MAD1L1: variants seen among roughly 807,000 people sequenced by gnomAD.
MAD1L1 encodes the protein mitotic arrest deficient 1 like 1, also known as mitotic spindle assembly checkpoint protein MAD1.
MAD1L1 carries 95 observed loss-of-function variants against 96.9 expected under a neutral mutation model. The observed-to-expected ratio is 0.98, with a 90% CI of 0.83 to 1.16. The LOEUF is 1.16. Ranked by LOEUF, MAD1L1 falls within the 50% of genes most tolerant of loss-of-function variation. The probability of loss-of-function intolerance (pLI) is 0.00; values close to 1 mark genes in which losing one functional copy is unlikely to be tolerated. For synonymous variants in MAD1L1, 473 were observed against 396.6 expected, an observed-to-expected ratio of 1.19 and a Z score of -2.29; for missense variants, 1,007 against 954.4, an observed-to-expected ratio of 1.06 and a Z score of -0.73.
intron 12 of MAD1L1, among the ~76,000 whole-genome samples, chr7:2,054,009 G>A (rs544858156): frequency 6.6e-6 from 1 of 152,354 alleles, no homozygotes; most frequent in South Asian, 2.1e-4. Context: ...GGCAGGGCGG[G>A]AGGGGTCAGG....
At chr7:2,171,448 C>T (rs953970595) in intron 10 of MAD1L1, among the ~76,000 whole-genome samples, 1 of 152,198 alleles carries the variant, frequency 6.6e-6, no homozygotes, top group Non-Finnish European at 1.5e-5. Context: ...AGCAGGGCCA[C>T]GTATGGGTCA....
At position 2,119,150 on chromosome 7, in the gene MAD1L1, G is replaced by A. The variant is rs765529175; in HGVS notation, c.1073+30002C>T. 6.6e-6 allele frequency among the ~76,000 whole-genome samples: 1 copy of A among 152,030 alleles called. No homozygotes were observed. The highest frequency in any genetic ancestry group is 1.5e-5 in the Non-Finnish European group (1 of 67,998). On this transcript the variant is annotated intron_variant, in intron 11 of 18. Transcript: ENST00000265854. This position sits in a 1 kb window ranked among gnomAD's most constrained non-coding sequence, Gnocchi z 4.6. ...AGCCGTGTTTCCACAAAGCAAGAAGGTTCAGGCCAGGCAGCCTGGACTCCT... is the reference window on the plus strand; with the variant it reads ...AGCCGTGTTTCCACAAAGCAAGAAGATTCAGGCCAGGCAGCCTGGACTCCT...
At chr7:1,896,791 C>T (rs1029202042) in intron 18 of MAD1L1, among the ~76,000 whole-genome samples, 1 of 152,186 alleles carries the variant, frequency 6.6e-6, no homozygotes, top group Non-Finnish European at 1.5e-5. Flanking sequence ...CCGGGGAAAA[C>T]GCTGCCTCTT....
intron 17 of MAD1L1, among the ~76,000 whole-genome samples, chr7:1,902,133 T>C (rs183188261): frequency 2.6e-4 from 39 of 152,184 alleles, no homozygotes; most frequent in African/African-American, 8.9e-4. Context: ...ACGACACTGG[T>C]GCCTGAACAG....
intron 11 of MAD1L1, among the ~76,000 whole-genome samples, chr7:2,125,220 C>A (rs1393704157): frequency 6.6e-6 from 1 of 152,184 alleles, no homozygotes; most frequent in African/African-American, 2.4e-5. Context: ...GCCAGGTGCA[C>A]TCCAGCAGGT....
chr7:1,850,954 G>A (rs905206837), intron 18 of MAD1L1, among the ~76,000 whole-genome samples: 4 of 152,206 alleles, frequency 2.6e-5, no homozygotes, highest in African/African-American at 4.8e-5. Context: ...GAAGAGACAC[G>A]AGAAGGGCCT....
At chr7:2,226,333 C>T (rs544077640) in intron 3 of MAD1L1, among the ~76,000 whole-genome samples, 12 of 152,288 alleles carry the variant, frequency 7.9e-5, no homozygotes, top group East Asian at 5.8e-4. Context: ...AATCTGGGGG[C>T]CCTCTCAGAA....
chr7:2,035,328 C>A (rs570735266), intron 12 of MAD1L1, among the ~76,000 whole-genome samples: 62 of 131,558 alleles, frequency 4.7e-4, no homozygotes, highest in Admixed American at 1.2e-3. Context: ...ACTGACAAGT[C>A]GGGACAGAGC....
chr7:2,161,494 G>A (rs1790121998), intron 10 of MAD1L1, among the ~76,000 whole-genome samples: 1 of 152,096 alleles, frequency 6.6e-6, no homozygotes. Flanking sequence ...GCCTCCCAAA[G>A]TGCCGAGATT....
intron 14 of MAD1L1, among the ~76,000 whole-genome samples, chr7:2,001,109 G>A (rs1306361686): frequency 6.6e-6 from 1 of 152,244 alleles, no homozygotes; most frequent in African/African-American, 2.4e-5. Context: ...GGAGAGGAAG[G>A]CCCTGAGGCC....
At chr7:2,125,917 G>A (rs1788209920) in intron 11 of MAD1L1, among the ~76,000 whole-genome samples, 1 of 152,272 alleles carries the variant, frequency 6.6e-6, no homozygotes, top group African/African-American at 2.4e-5. Context: ...TGGCATCTGA[G>A]GAAGCAGCCA....
intron 10 of MAD1L1, among the ~76,000 whole-genome samples, chr7:2,154,665 G>A (rs1397953973): frequency 1.3e-5 from 2 of 152,228 alleles, no homozygotes; most frequent in Admixed American, 6.5e-5. Flanking sequence ...AAGAAAATGG[G>A]CTCTCTGGGG....
intron 11 of MAD1L1, among the ~76,000 whole-genome samples, chr7:2,077,888 G>A (rs780093194): frequency 3.3e-5 from 5 of 152,352 alleles, no homozygotes; most frequent in African/African-American, 4.8e-5. Flanking sequence ...GTTCACAGGC[G>A]CCCGTCGGGG....
intron 9 of MAD1L1, among the ~76,000 whole-genome samples, 161 bp downstream of exon 9, chr7:2,215,724 T>C (rs1793232993): frequency 6.6e-6 from 1 of 152,212 alleles, no homozygotes; most frequent in Non-Finnish European, 1.5e-5. Context: ...GCTCTGAGGA[T>C]GAGGCATGGA....
chr7:2,218,545 G>A (rs998712851), intron 6 of MAD1L1, among the ~76,000 whole-genome samples: 3 of 152,208 alleles, frequency 2.0e-5, no homozygotes, highest in Non-Finnish European at 4.4e-5. Flanking sequence ...CCTCGGCTCA[G>A]CCCTGTGCCT....
chr7:2,120,553 C>T (rs1443709200), intron 11 of MAD1L1, among the ~76,000 whole-genome samples: 1 of 152,234 alleles, frequency 6.6e-6, no homozygotes, highest in African/African-American at 2.4e-5. Flanking sequence ...GCGCTGCCTT[C>T]TGCCAGACTC....
rs961856035 is a variant in MAD1L1, at chr7:2,088,305, C to T, written c.1074-18967G>A. Among the ~76,000 whole-genome samples the T allele has an allele frequency of 6.6e-5, 10 of 152,218 alleles. No individual in the cohort carries two copies. The East Asian group carries it at 1.2e-3, about 18-fold the overall frequency. On this transcript the variant is annotated intron_variant, in intron 11 of 18. Coordinates refer to ENST00000265854, the MANE Select transcript of MAD1L1 (RefSeq NM_001013836.2). The surrounding 1 kb of genome is among the most constrained non-coding windows in gnomAD (Gnocchi z 4.4). ...CAATCCAGGCCCCCATCACAGGCTG[C>T]GCCATCTGGTTACCAGCACGGTGGT...
At chr7:1,891,899 A>G (rs184843884) in intron 18 of MAD1L1, among the ~76,000 whole-genome samples, 82 of 152,290 alleles carry the variant, frequency 5.4e-4, no homozygotes, top group African/African-American at 1.9e-3. Flanking sequence ...ATTATTGAAG[A>G]AAAGAACAGT....
At chr7:1,875,057 G>C (rs1486086061) in intron 18 of MAD1L1, among the ~76,000 whole-genome samples, 1 of 152,146 alleles carries the variant, frequency 6.6e-6, no homozygotes, top group Non-Finnish European at 1.5e-5. Context: ...CAAGCTCCCT[G>C]TGAGACTGGG....
Sources: gnomAD v4.1 joint callset for allele counts (sites outside exome capture counted in the v4.1 genomes callset) on GRCh38, gnomAD v4.1.1 for gene constraint, Gnocchi (gnomAD v3.1) non-coding constraint, MANE v1.5 for transcripts, NCBI Gene and HGNC (gene_info 2026-07-23, HGNC 2026-07-21) for gene names.